Variants in METTL15 observed in about 807,000 individuals in gnomAD.
METTL15 encodes the protein 12S rRNA N(4)-cytidine methyltransferase METTL15.
In METTL15, 34 loss-of-function variants were observed where a neutral mutation model predicts 38.3. The observed-to-expected ratio is 0.89, with a 90% CI of 0.68 to 1.18. The LOEUF is 1.18. Ranked by LOEUF, METTL15 falls within the 50% of genes most tolerant of loss-of-function variation. The probability of loss-of-function intolerance (pLI) is 0.00; values close to 1 mark genes in which losing one functional copy is unlikely to be tolerated. For synonymous variants in METTL15, 162 were observed against 170.9 expected, an observed-to-expected ratio of 0.95 and a Z score of 0.41; for missense variants, 438 against 498.4, an observed-to-expected ratio of 0.88 and a Z score of 1.15.
chr11:28,492,045 C>T (rs1851499143), intron 6 of METTL15, among the ~76,000 whole-genome samples: 1 of 152,030 alleles, frequency 6.6e-6, no homozygotes, highest in Non-Finnish European at 1.5e-5. Flanking sequence ...AGTAAGCTGT[C>T]AGGAAAAGTT....
chr11:28,172,263 A>C (rs986166516), intron 3 of METTL15, among the ~76,000 whole-genome samples: 9 of 152,180 alleles, frequency 5.9e-5, no homozygotes, highest in African/African-American at 2.2e-4. Context: ...CTGATCTATA[A>C]AGACAGGATA....
At chr11:28,321,178 A>G (rs1849454622) in intron 6 of METTL15, among the ~76,000 whole-genome samples, 1 of 152,214 alleles carries the variant, frequency 6.6e-6, no homozygotes. Context: ...TGCCATTCAT[A>G]AAATGAGTAC....
rs575181199 is a variant in METTL15, at chr11:28,144,631, G to A, written c.270+31027G>A. ...CCAGGGTTTAGATATATATATGTGC[G>A]TGTGTGTAATTTTTGGTGGATATAG... On this transcript the variant is annotated intron_variant, in intron 3 of 6. Coordinates refer to ENST00000407364, the MANE Select transcript of METTL15 (RefSeq NM_001113528.2). Among the ~76,000 whole-genome samples the A allele has an allele frequency of 9.9e-5, 15 of 152,078 alleles. No individual in the cohort carries two copies. The East Asian group carries it at 1.9e-3, about 20-fold the overall frequency.
chr11:28,290,194 G>A lies in METTL15; in HGVS notation c.408-12G>A, dbSNP rs375839995. On this transcript the variant is annotated splice_polypyrimidine_tract_variant and intron_variant, in intron 4 of 6. Transcript: ENST00000407364. ...CAGAAGTGTTTTCTCTATCTCCTGG[G>A]TTTACTCACAGTAAACAAATCCGAG... The A allele has an allele frequency of 3.8e-6, 6 of 1,599,800 alleles. No homozygotes were observed. The highest frequency in any genetic ancestry group is 1.3e-5 in the African/African-American group (1 of 74,426).
At chr11:28,278,057 G>A (rs1464446528) in intron 4 of METTL15, among the ~76,000 whole-genome samples, 1 of 152,150 alleles carries the variant, frequency 6.6e-6, no homozygotes, top group East Asian at 1.9e-4. Flanking sequence ...TTGAGGATAT[G>A]CATTATATAC....
At chr11:28,150,125 T>C (rs983320670) in intron 3 of METTL15, among the ~76,000 whole-genome samples, 13 of 152,028 alleles carry the variant, frequency 8.6e-5, no homozygotes, top group African/African-American at 3.1e-4. Context: ...TCAGTTCTTA[T>C]CCACTGCACC....
At chr11:28,235,814 A>C (rs1853932949) in intron 4 of METTL15, among the ~76,000 whole-genome samples, 1 of 152,126 alleles carries the variant, frequency 6.6e-6, no homozygotes, top group Admixed American at 6.5e-5. Flanking sequence ...CTCCTGCCTC[A>C]TTGCCCTGGC....
At chr11:28,178,634 C>G (rs1368168018) in intron 3 of METTL15, among the ~76,000 whole-genome samples, 2 of 151,614 alleles carry the variant, frequency 1.3e-5, no homozygotes, top group Non-Finnish European at 3.0e-5. Flanking sequence ...TGTGCTTTCC[C>G]TTAGTGTATG....
chr11:28,312,072 C>A (rs1401975541), intron 6 of METTL15, among the ~76,000 whole-genome samples: 1 of 152,150 alleles, frequency 6.6e-6, no homozygotes, highest in African/African-American at 2.4e-5. Context: ...TCCTCCCCAC[C>A]CTTTTCTTCA....
At chr11:28,113,994 A>G (rs993599301) in intron 3 of METTL15, among the ~76,000 whole-genome samples, 6 of 152,174 alleles carry the variant, frequency 3.9e-5, no homozygotes, top group Non-Finnish European at 5.9e-5. Context: ...GGTGTTTTCA[A>G]CTAATGAAGG....
chr11:28,337,444 AC>A (rs1394555643), downstream of METTL15, among the ~76,000 whole-genome samples: 3 of 151,928 alleles, frequency 2.0e-5, no homozygotes, highest in Non-Finnish European at 4.4e-5. Context: ...ACCCTAATCA[AC>A]AATCAAGCAA....
intron 6 of METTL15, among the ~76,000 whole-genome samples, chr11:28,432,184 G>T (rs1021648041): frequency 1.1e-4 from 17 of 152,298 alleles, no homozygotes; most frequent in Middle Eastern, 3.4e-3. Flanking sequence ...GGACAAAAAT[G>T]GTATAGATAG....
chr11:28,418,822 C>A (rs1395216777), intron 5 of METTL15, among the ~76,000 whole-genome samples: 1 of 152,114 alleles, frequency 6.6e-6, no homozygotes, highest in Admixed American at 6.5e-5. Flanking sequence ...CTCAGTGCTG[C>A]CAACATCACG....
chr11:28,279,555 T>C (rs973387336), intron 4 of METTL15, among the ~76,000 whole-genome samples: 25 of 152,208 alleles, frequency 1.6e-4, no homozygotes, highest in African/African-American at 4.8e-4. Context: ...CATTATTTTA[T>C]TATTCATTTT....
At chr11:28,290,111 T>C in intron 4 of METTL15, 95 bp from the exon 5 acceptor site, 1 of 1,011,456 alleles carries the variant, frequency 9.9e-7, no homozygotes, top group Non-Finnish European at 1.4e-6. Context: ...TTAAATCATG[T>C]AATAATAGAA....
At chr11:28,358,386 C>T (rs1850108004) in intron 4 of METTL15, among the ~76,000 whole-genome samples, 1 of 152,180 alleles carries the variant, frequency 6.6e-6, no homozygotes, top group African/African-American at 2.4e-5. Context: ...TTGTGATAAT[C>T]TGCTATTGAA....
chr11:28,214,496 A>G lies in METTL15; in HGVS notation c.407+3298A>G, dbSNP rs114347877. On this transcript the variant is annotated intron_variant, in intron 4 of 6. Coordinates refer to ENST00000407364, the MANE Select transcript of METTL15 (RefSeq NM_001113528.2). Reference sequence around the variant, plus strand: ...GCCTAATGAAGTTTATTTCATGAAGATGAGATGTTCCGTGTCAGGTAGTTA... The same window carrying G: ...GCCTAATGAAGTTTATTTCATGAAGGTGAGATGTTCCGTGTCAGGTAGTTA... Among the ~76,000 whole-genome samples the G allele has an allele frequency of 4.3e-3, 662 of 152,346 alleles. 8 individuals carry two copies. Among genetic ancestry groups the G allele is most frequent in the African/African-American group, 0.014 (599 of 41,590 alleles).
intron 4 of METTL15, among the ~76,000 whole-genome samples, chr11:28,360,044 C>A (rs1438930081): frequency 6.6e-6 from 1 of 152,172 alleles, no homozygotes; most frequent in African/African-American, 2.4e-5. Flanking sequence ...ATGCAGGATT[C>A]TTGAAATCAT....
At chr11:28,463,398 G>C (rs548598367) in intron 6 of METTL15, among the ~76,000 whole-genome samples, 1 of 152,156 alleles carries the variant, frequency 6.6e-6, no homozygotes, top group South Asian at 2.1e-4. Context: ...ATCTCTCAGG[G>C]ACAAATTTTA....
Sources: allele counts gnomAD v4.1 joint callset (sites outside exome capture counted in the v4.1 genomes callset), GRCh38; gene constraint gnomAD v4.1.1; transcripts MANE v1.5; gene names NCBI Gene and HGNC (gene_info 2026-07-23, HGNC 2026-07-21).